The following KIF13B variants were observed in gnomAD, a reference collection of about 807,000 sequenced individuals.
KIF13B encodes the protein kinesin family member 13B.
Under a neutral mutation model 222.0 loss-of-function variants are expected in KIF13B, and 127 were observed. The observed-to-expected ratio is 0.57, with a 90% confidence interval of 0.50 to 0.66. The LOEUF is 0.66. Among genes scored for constraint, KIF13B ranks in the 30% least tolerant of loss-of-function variants. The pLI is 0.00. For synonymous variants in KIF13B, 976 were observed against 919.0 expected (o/e 1.06, Z -1.12); for missense variants, 2,173 against 2,379.0 (o/e 0.91, Z 1.80).
In KIF13B at chr8:29,122,608, A is replaced by G. The variant is rs1481026194; in HGVS notation, c.3518T>C (p.Ile1173Thr). ...TAACTTACCATTTAAGTCCAGGAAT[A>G]TAACAGGAATGTGTGTCTCCATCCC... is the stretch of plus-strand genomic sequence containing the variant. Reference protein sequence around the residue: ...VPGMETHIPVIFLDLNADDFS... With the variant: ...VPGMETHIPVTFLDLNADDFS... The change falls in exon 29 of 40, where the codon ATA becomes ACA. Residue 1173 changes from isoleucine (I) to threonine (T), a missense_variant. Physicochemically the swap from Ile to Thr is moderately conservative, Grantham distance 89. This residue lies in a region of KIF13B where 1,480 missense variants were observed against 1,722.8 expected (regional missense o/e 0.86). Transcript: ENST00000524189. 1.2e-6 allele frequency: 2 copies of G among 1,610,410 alleles called. No individual in the cohort carries two copies. The highest frequency in any genetic ancestry group is 1.7e-5 in the Admixed American group (1 of 59,574).
At chr8:29,105,799 C>T (rs1187853186) in intron 35 of KIF13B, among the ~76,000 whole-genome samples, 2 of 151,754 alleles carry the variant, frequency 1.3e-5, no homozygotes, top group Non-Finnish European at 2.9e-5. Context: ...GCTGGGATTA[C>T]AGGCGCCTGG....
Position 29,122,650 on chromosome 8 carries a change from A to G in KIF13B, c.3480-4T>C. 6.2e-7 allele frequency: 1 copy of G among 1,604,970 alleles called. No individual in the cohort carries two copies. Among genetic ancestry groups the G allele is most frequent in the African/African-American group, 1.3e-5 (1 of 74,978 alleles). ...CTCCATCCCAGGTACTGGGGTCCTA[A>G]AACGGGAAGAACAAATGGCATCTGC... On this transcript the variant is annotated splice_region_variant and splice_polypyrimidine_tract_variant and intron_variant, in intron 28 of 39. Coordinates refer to ENST00000524189, the MANE Select transcript of KIF13B (RefSeq NM_015254.4).
chr8:29,171,703 C>T (rs1466891846), intron 10 of KIF13B, among the ~76,000 whole-genome samples: 1 of 148,286 alleles, frequency 6.7e-6, no homozygotes, highest in Non-Finnish European at 1.5e-5. Context: ...CCCCTATTTA[C>T]GATCTTCTGT....
chr8:29,153,670 T>G (rs1382147192), intron 14 of KIF13B, among the ~76,000 whole-genome samples: 2 of 134,066 alleles, frequency 1.5e-5, no homozygotes, highest in Non-Finnish European at 1.6e-5. Flanking sequence ...GAAGGCCTCT[T>G]AACTCCTGCC....
chr8:29,161,829 G>A (rs997072067), intron 12 of KIF13B, among the ~76,000 whole-genome samples: 7 of 151,852 alleles, frequency 4.6e-5, no homozygotes, highest in Non-Finnish European at 8.8e-5. Flanking sequence ...ACTGTTCACC[G>A]GGCCATTTCT....
intron 19 of KIF13B, among the ~76,000 whole-genome samples, chr8:29,141,812 C>T (rs1299950000): frequency 2.0e-5 from 3 of 152,128 alleles, no homozygotes; most frequent in Admixed American, 6.5e-5. Context: ...ACGGGTTGAG[C>T]AATGGGAGGA....
chr8:29,248,280 A>T (rs1479552251), intron 1 of KIF13B, among the ~76,000 whole-genome samples: 1 of 152,246 alleles, frequency 6.6e-6, no homozygotes, highest in Non-Finnish European at 1.5e-5. Context: ...AAGTGGACAC[A>T]ACCCAAATGT....
chr8:29,092,842 A>G lies in KIF13B; in HGVS notation c.4361T>C (p.Val1454Ala). 6.2e-7 allele frequency: 1 copy of G among 1,612,470 alleles called. No homozygotes were observed. The highest frequency in any genetic ancestry group is 8.5e-7 in the Non-Finnish European group (1 of 1,179,302). ...TGGCATTTGCGGCACGAAGGATTTG[A>G]CAGGATTCAAGTAGGATGCTGCAAG... ...SNLAASYLNPVKSFVPQMPKL... is the reference protein window; with the variant it reads ...SNLAASYLNPAKSFVPQMPKL... The change falls in exon 37 of 40, where the codon GTC (valine) becomes GCC (alanine). Residue 1454 changes from valine (V) to alanine (A), a missense_variant. Around this residue, in one of 2 missense-constraint regions of KIF13B, gnomAD observed 693 missense variants for 656.2 expected, o/e 1.06. Transcript: ENST00000524189.
At chr8:29,242,239 C>T (rs569287253) in intron 2 of KIF13B, among the ~76,000 whole-genome samples, 1 of 152,108 alleles carries the variant, frequency 6.6e-6, no homozygotes, top group East Asian at 1.9e-4. Context: ...GAGGGAGACC[C>T]TATCTCAAAA....
At chr8:29,095,790 C>T (rs1808494706) in intron 36 of KIF13B, among the ~76,000 whole-genome samples, 1 of 151,738 alleles carries the variant, frequency 6.6e-6, no homozygotes, top group South Asian at 2.1e-4. Flanking sequence ...CAAAACAAAA[C>T]AAAACTACAG....
intron 2 of KIF13B, among the ~76,000 whole-genome samples, chr8:29,212,804 G>A (rs1814288998): frequency 6.7e-6 from 1 of 149,240 alleles, no homozygotes; most frequent in Non-Finnish European, 1.5e-5. Flanking sequence ...AATTTATTTT[G>A]GGAAATTGTA....
In KIF13B at chr8:29,142,226, T is replaced by C. The variant is rs896793886; in HGVS notation, c.2265A>G (p.Lys755=). 3 of 1,613,660 alleles carry C rather than the reference T, an allele frequency of 1.9e-6. No homozygotes were observed. Among genetic ancestry groups the C allele is most frequent in the Non-Finnish European group, 2.5e-6 (3 of 1,179,704 alleles). ...GKGKQIWSLE[K]LDNRLLDMRD... ...TCATATCCAACAGCCTGTTGTCCAG[T>C]TTTTCCAAAGACCAAATCTGCTTTC... is the stretch of plus-strand genomic sequence containing the variant. The change falls in exon 19 of 40, where the codon AAA becomes AAG. Residue 755 remains lysine (K), a synonymous_variant. Coordinates refer to ENST00000524189, the MANE Select transcript of KIF13B (RefSeq NM_015254.4).
chr8:29,186,659 C>T (rs1812942802), intron 5 of KIF13B, among the ~76,000 whole-genome samples, 187 bp from the exon 6 acceptor site: 1 of 152,068 alleles, frequency 6.6e-6, no homozygotes, highest in African/African-American at 2.4e-5. Flanking sequence ...AGCAAATGTC[C>T]TTTAGAAAGA....
At position 29,070,817 on chromosome 8, in the gene KIF13B, C is replaced by G; in HGVS notation, c.5219-51G>C. 6.4e-7 allele frequency: 1 copy of G among 1,557,350 alleles called. No individual in the cohort carries two copies. Among genetic ancestry groups the G allele is most frequent in the Non-Finnish European group, 8.7e-7 (1 of 1,150,128 alleles). ...GGAGGGCAGCCGAGCTGCAGACGGC[C>G]CCCTGCACCTCCCTTACCTCTGCAG... On this transcript the variant is annotated intron_variant, in intron 39 of 39. Transcript: ENST00000524189. This position sits in a 1 kb window ranked among gnomAD's most constrained non-coding sequence, Gnocchi z 4.1.
intron 37 of KIF13B, among the ~76,000 whole-genome samples, chr8:29,084,015 A>T (rs1434441760): frequency 6.6e-6 from 1 of 152,092 alleles, no homozygotes; most frequent in East Asian, 1.9e-4. Context: ...CCAGGGTTCA[A>T]GCGATTCCCC....
At chr8:29,196,050 G>A in intron 3 of KIF13B, 137 bp downstream of exon 3, 1 of 773,466 alleles carries the variant, frequency 1.3e-6, no homozygotes, top group South Asian at 1.8e-5. Context: ...CTTCAGATTT[G>A]TGAGTAGGCT....
At chr8:29,231,515 A>C (rs1340288196) in intron 2 of KIF13B, among the ~76,000 whole-genome samples, 4 of 152,238 alleles carry the variant, frequency 2.6e-5, no homozygotes, top group African/African-American at 9.6e-5. Context: ...TTTTGGTTAC[A>C]CACAGGTTTC....
intron 1 of KIF13B, among the ~76,000 whole-genome samples, chr8:29,259,289 T>A (rs1013743850): frequency 3.3e-5 from 5 of 152,158 alleles, no homozygotes; most frequent in Non-Finnish European, 5.9e-5. Flanking sequence ...TATTGGAAAA[T>A]GCCAAGTAAA....
At chr8:29,113,281 G>C (rs543567857) in intron 32 of KIF13B, among the ~76,000 whole-genome samples, 182 bp downstream of exon 32, 2 of 152,258 alleles carry the variant, frequency 1.3e-5, no homozygotes, top group East Asian at 3.9e-4. Flanking sequence ...ACTAAAACTA[G>C]AACTTTTAAA....
Sources: allele counts gnomAD v4.1 joint callset (sites outside exome capture counted in the v4.1 genomes callset), GRCh38; gene constraint gnomAD v4.1.1; regional missense constraint gnomAD v4.1.1; non-coding constraint Gnocchi (gnomAD v3.1); transcripts MANE v1.5; gene names NCBI Gene and HGNC (gene_info 2026-07-23, HGNC 2026-07-21).